Variants in NBPF10 observed in about 807,000 individuals in gnomAD.
NBPF10 encodes NBPF family member NBPF10.
NBPF10 carries 63 observed loss-of-function variants against 77.9 expected under a neutral mutation model. That is an observed-to-expected ratio of 0.81 (90% CI 0.66 to 1.00). The LOEUF (loss-of-function observed/expected upper bound fraction) is 1.00, where lower values mean the gene tolerates loss of function less well. Ranked by LOEUF, NBPF10 falls within the 50% of genes least tolerant of loss-of-function variation. NBPF10 has a pLI of 0.00. For synonymous variants in NBPF10, 146 were observed against 264.5 expected, an observed-to-expected ratio of 0.55 and a Z score of 4.35; for missense variants, 522 against 679.8, an observed-to-expected ratio of 0.77 and a Z score of 2.58.
chr1:146,064,795 G>A (rs1388522955), exon 90 of NBPF10: 4 of 65,876 alleles, frequency 6.1e-5, no homozygotes, highest in East Asian at 6.9e-4. Flanking sequence ...CAATCCAAAA[G>A]TCCAGAGTGA....
Position 146,141,837 on chromosome 1 carries a change from G to C in NBPF10, c.279-19C>G, listed in dbSNP as rs587720780. On this transcript the variant is annotated intron_variant, in intron 2 of 89. Coordinates refer to ENST00000583866, the Ensembl canonical transcript of NBPF10. The stretch of plus-strand genomic sequence containing the variant: ...ATATTGCCTAAGGTGAGACGGTAGA[G>C]AAAATTTAAGAGTAGAAAGGGTTGA... 9 of 1,279,336 alleles carry C rather than the reference G, an allele frequency of 7.0e-6. No homozygotes were observed. The African/African-American group carries it at 1.3e-4, about 18-fold the overall frequency. 79.2% of individuals were successfully genotyped at this position (1,279,336 alleles called of 1,614,324 possible).
chr1:146,109,301 AAGAC>A (rs1657338933), intron 35 of NBPF10, among the ~76,000 whole-genome samples, 187 bp from the exon 36 acceptor site: 1 of 101,412 alleles, frequency 9.9e-6, no homozygotes, highest in African/African-American at 3.4e-5. Context: ...ATGAAAGAGA[AAGAC>A]AGATAGACAC....
At chr1:146,066,728 G>A (rs1384215062) in intron 89 of NBPF10, among the ~76,000 whole-genome samples, 167 bp from the exon 90 acceptor site, 1 of 150,040 alleles carries the variant, frequency 6.7e-6, no homozygotes, top group African/African-American at 2.4e-5. Context: ...ATAGAACAGG[G>A]CCAGGTAGAA....
At chr1:146,136,057 G>T (rs1659671066) in intron 7 of NBPF10, among the ~76,000 whole-genome samples, 1 of 148,456 alleles carries the variant, frequency 6.7e-6, no homozygotes, top group African/African-American at 2.5e-5. Flanking sequence ...ACACCATTTT[G>T]AGTATACTGA....
chr1:146,141,665 G>A (rs782580001), exon 3 of NBPF10: 1 of 1,160,578 alleles, frequency 8.6e-7, no homozygotes, highest in Non-Finnish European at 1.2e-6. Context: ...GCTGTTCTTG[G>A]AGGTCCTGCC....
intron 14 of NBPF10, among the ~76,000 whole-genome samples, chr1:146,125,803 C>A (rs1455263427): frequency 6.7e-6 from 1 of 148,156 alleles, no homozygotes; most frequent in African/African-American, 2.5e-5. Flanking sequence ...CGATTTAAAG[C>A]AAATGCCCCC....
intron 89 of NBPF10, among the ~76,000 whole-genome samples, chr1:146,066,861 T>A (rs1410171697): frequency 1.3e-5 from 2 of 151,020 alleles, no homozygotes. Context: ...TCTGACTTAG[T>A]GCCCTCATGA....
chr1:146,070,149 A>C (rs1655687629), intron 85 of NBPF10, among the ~76,000 whole-genome samples, 175 bp downstream of exon 85: 1 of 55,948 alleles, frequency 1.8e-5, no homozygotes, highest in Non-Finnish European at 3.2e-5. Context: ...GGAAATGATA[A>C]GGGGAGGAAG....
rs782780412 is a variant in NBPF10, at chr1:146,068,066, G to A, written c.10972C>T (p.Pro3658Ser). Residue 3658 changes from proline to serine, a missense_variant, in exon 88 of 90, where the codon CCC becomes TCC. Pro to Ser is a moderately conservative substitution (Grantham distance 74). Coordinates refer to ENST00000583866, the Ensembl canonical transcript of NBPF10. ...AATGAGTAAACAGCACTGCTGTAGGGCTGGCCTAAGTCAGGCAGTTCAAGA... is the reference window on the plus strand; with the variant it reads ...AATGAGTAAACAGCACTGCTGTAGGACTGGCCTAAGTCAGGCAGTTCAAGA... 4 of 546,608 alleles carry A rather than the reference G, an allele frequency of 7.3e-6. No individual in the cohort carries two copies. The Admixed American group carries it at 1.0e-4, about 14-fold the overall frequency. 33.9% of individuals were successfully genotyped at this position (546,608 alleles called of 1,614,324 possible). A position where few individuals can be genotyped will look rare whatever the true frequency, so the allele number is the denominator to read the frequency against.
At chr1:146,126,251 C>G (rs1553789854) in exon 14 of NBPF10, 10 of 1,608,280 alleles carry the variant, frequency 6.2e-6, no homozygotes, top group Non-Finnish European at 8.5e-6. Context: ...ATGTCAATAG[C>G]CAAGCCAACA....
At chr1:146,064,875 G>GTTT (rs782637788) in exon 90 of NBPF10, 1 of 22,266 alleles carries the variant, frequency 4.5e-5, no homozygotes. Context: ...GGCAGAGAAT[G>GTTT]TCTTCTTTTT....
intron 8 of NBPF10, among the ~76,000 whole-genome samples, chr1:146,135,043 C>T (rs587723748): frequency 2.9e-5 from 3 of 102,086 alleles, no homozygotes; most frequent in South Asian, 2.9e-4. Context: ...AGCCTCCTTC[C>T]TGTCCTTTAA....
At chr1:146,142,186 G>A (rs1481955310) in intron 2 of NBPF10, among the ~76,000 whole-genome samples, 2 of 114,644 alleles carry the variant, frequency 1.7e-5, no homozygotes, top group African/African-American at 5.7e-5. Flanking sequence ...ACAAAGCCAC[G>A]TACAGAAATG....
chr1:146,139,476 A>G (rs1553796438), intron 5 of NBPF10, among the ~76,000 whole-genome samples: 1 of 148,464 alleles, frequency 6.7e-6, no homozygotes, highest in Non-Finnish European at 1.5e-5. Flanking sequence ...GAAGTGAATG[A>G]GAGTGGGAGG....
intron 89 of NBPF10, 112 bp downstream of exon 89, chr1:146,067,068 G>A (rs1655160077): frequency 1.7e-6 from 1 of 578,492 alleles, no homozygotes; most frequent in African/African-American, 1.8e-5. Flanking sequence ...ATGACAGTAG[G>A]AGTAATTCAG....
intron 13 of NBPF10, among the ~76,000 whole-genome samples, chr1:146,126,630 C>CACACACACAG (rs1553790167): frequency 8.2e-6 from 1 of 122,436 alleles, no homozygotes; most frequent in African/African-American, 2.7e-5. Context: ...CACACACACA[C>CACACACACAG]ACACAGAGCG....
intron 14 of NBPF10, among the ~76,000 whole-genome samples, chr1:146,126,025 G>A (rs1157739354): frequency 6.6e-6 from 1 of 151,724 alleles, no homozygotes; most frequent in South Asian, 2.1e-4. Flanking sequence ...CCACAGGCAT[G>A]GCCTGAGACT....
chr1:146,126,790 C>T (rs1658759135), intron 13 of NBPF10, among the ~76,000 whole-genome samples: 2 of 129,578 alleles, frequency 1.5e-5, no homozygotes, highest in Admixed American at 8.4e-5. Context: ...CGGCAGTTAC[C>T]ATGAGAATAC....
At chr1:146,139,341 C>A (rs1553796332) in intron 5 of NBPF10, among the ~76,000 whole-genome samples, 2 of 151,928 alleles carry the variant, frequency 1.3e-5, no homozygotes, top group South Asian at 2.1e-4. Context: ...AATCTCCTGA[C>A]CTCATGATCC....
Sources: gnomAD v4.1 joint callset for allele counts (sites outside exome capture counted in the v4.1 genomes callset) on GRCh38, gnomAD v4.1.1 for gene constraint, MANE v1.5 for transcripts, NCBI Gene and HGNC (gene_info 2026-07-23, HGNC 2026-07-21) for gene names.